The following SERPINB8 variants were observed in gnomAD, a reference collection of about 807,000 sequenced individuals.
SERPINB8 encodes serpin B8.
SERPINB8 carries 25 observed loss-of-function variants against 35.3 expected under a neutral mutation model. That is an observed-to-expected ratio of 0.71 (90% confidence interval 0.52 to 0.99). The LOEUF (loss-of-function observed/expected upper bound fraction) is 0.99, where lower values mean the gene tolerates loss of function less well. Among genes scored for constraint, SERPINB8 ranks in the 50% least tolerant of loss-of-function variants. The pLI, the probability that SERPINB8 is intolerant of heterozygous loss-of-function variation, is 0.00. For synonymous variants in SERPINB8, 186 were observed against 160.8 expected (o/e 1.16, Z -1.19); for missense variants, 484 against 446.5 (o/e 1.08, Z -0.76).
downstream of SERPINB8, among the ~76,000 whole-genome samples, chr18:63,993,551 A>C (rs1272038092): frequency 1.3e-5 from 2 of 152,234 alleles, no homozygotes; most frequent in Non-Finnish European, 2.9e-5. Context: ...GTGCTCTGTA[A>C]ATGTGAATTC....
At chr18:64,003,516 C>A (rs964210048) in intron 1 of SERPINB8, among the ~76,000 whole-genome samples, 4 of 126,534 alleles carry the variant, frequency 3.2e-5, no homozygotes, top group African/African-American at 9.7e-5. Flanking sequence ...TATTGAGGGA[C>A]AAATGTGTGT....
downstream of SERPINB8, among the ~76,000 whole-genome samples, chr18:63,990,133 G>C (rs1367096045): frequency 1.4e-5 from 2 of 147,190 alleles, no homozygotes; most frequent in Non-Finnish European, 3.0e-5. Context: ...TGCAGGGCAG[G>C]GGCACGATCT....
At position 63,987,830 on chromosome 18, in the gene SERPINB8, A is replaced by G. The variant is rs17072360; in HGVS notation, c.*552A>G. 4,319 of 152,852 alleles carry G rather than the reference A, an allele frequency of 0.028. 139 individuals are homozygous for G. The highest frequency in any genetic ancestry group is 0.082 in the African/African-American group (3,411 of 41,544). 9.5% of individuals were successfully genotyped at this position (152,852 alleles called of 1,614,324 possible). A position where few individuals can be genotyped will look rare whatever the true frequency, so the allele number is the denominator to read the frequency against. ...GAAGACAGCTCCTTCTCATCTTTCC[A>G]TAAGCCTGAGATACAAGTTCAGGGA... On this transcript the variant is annotated 3_prime_UTR_variant, in exon 7 of 7. Transcript: ENST00000397985.
downstream of SERPINB8, among the ~76,000 whole-genome samples, chr18:64,009,496 A>G (rs1254994309): frequency 1.3e-5 from 2 of 152,260 alleles, no homozygotes; most frequent in Non-Finnish European, 2.9e-5. Context: ...AGACAAACAG[A>G]TCAATGGCAC....
At chr18:64,013,730 T>C (rs964529562) in intron 7 of SERPINB8, among the ~76,000 whole-genome samples, 7 of 152,180 alleles carry the variant, frequency 4.6e-5, no homozygotes, top group Admixed American at 1.3e-4. Flanking sequence ...GAAAGTACCA[T>C]TTAAGATCTA....
At position 64,011,375 on chromosome 18, in the gene SERPINB8, T is replaced by C. The variant is rs184282982; in HGVS notation, c.*2+6495T>C. On this transcript the variant is annotated intron_variant, in intron 7 of 7. Coordinates refer to the SERPINB8 transcript ENST00000636430. Reference sequence around the variant, plus strand: ...CTGTCATTTGGTATAGAAAAGGGTATGATTCATAGTGAAGATAAAATTCAA... The same window carrying C: ...CTGTCATTTGGTATAGAAAAGGGTACGATTCATAGTGAAGATAAAATTCAA... Among the ~76,000 whole-genome samples the C allele has an allele frequency of 1.7e-4, 26 of 152,244 alleles. No homozygotes were observed. In the East Asian group the frequency reaches 1.9e-3, roughly 11 times the overall value.
chr18:63,982,321 G>T (rs1217542288), intron 4 of SERPINB8, among the ~76,000 whole-genome samples: 1 of 152,056 alleles, frequency 6.6e-6, no homozygotes, highest in African/African-American at 2.4e-5. Context: ...TTCTGAATTT[G>T]TTCCCTATTC....
chr18:64,008,999 G>A (rs191804662), downstream of SERPINB8, among the ~76,000 whole-genome samples: 6 of 152,216 alleles, frequency 3.9e-5, no homozygotes, highest in African/African-American at 9.6e-5. Flanking sequence ...ACAGTAGAAC[G>A]CAGCATACAG....
At chr18:64,018,893 C>G (rs1379568947) in intron 7 of SERPINB8, 1 of 152,066 alleles carries the variant, frequency 6.6e-6, no homozygotes, top group Non-Finnish European at 1.5e-5. Flanking sequence ...AAATGAATGT[C>G]TCTCATTTTT....
intron 4 of SERPINB8, among the ~76,000 whole-genome samples, chr18:63,983,010 G>T (rs1198657521): frequency 6.6e-6 from 1 of 152,040 alleles, no homozygotes; most frequent in Non-Finnish European, 1.5e-5. Flanking sequence ...GTCTGATGAG[G>T]TTTGAATATA....
chr18:64,019,729 C>G (rs376172289), exon 8 of SERPINB8: 6 of 151,416 alleles, frequency 4.0e-5, no homozygotes, highest in African/African-American at 1.5e-4. Flanking sequence ...CCATGAACTC[C>G]CGTATCAACC....
At chr18:63,979,472 G>T (rs867899284) in intron 2 of SERPINB8, among the ~76,000 whole-genome samples, 9 of 152,264 alleles carry the variant, frequency 5.9e-5, no homozygotes, top group Admixed American at 2.6e-4. Context: ...GGAGGTAGGG[G>T]TCGGTGGGTG....
chr18:63,996,995 C>G (rs570352684), intron 1 of SERPINB8, among the ~76,000 whole-genome samples: 9 of 152,174 alleles, frequency 5.9e-5, no homozygotes, highest in Admixed American at 5.2e-4. Context: ...ATCCAAGTAC[C>G]CTCCCTTCCC....
chr18:63,990,511 TG>T (rs1449111629), downstream of SERPINB8, among the ~76,000 whole-genome samples: 1 of 152,206 alleles, frequency 6.6e-6, no homozygotes, highest in East Asian at 1.9e-4. Flanking sequence ...ATCTTTATTT[TG>T]CACACTTTAT....
chr18:64,016,534 A>G (rs1004408079), intron 7 of SERPINB8, among the ~76,000 whole-genome samples: 1 of 152,204 alleles, frequency 6.6e-6, no homozygotes, highest in Non-Finnish European at 1.5e-5. Context: ...AAGGGAAGTC[A>G]GTGATTAAAA....
intron 1 of SERPINB8, among the ~76,000 whole-genome samples, chr18:63,974,456 G>A (rs564111059): frequency 1.4e-4 from 21 of 152,254 alleles, no homozygotes; most frequent in Middle Eastern, 3.4e-3. Flanking sequence ...ACTTGGAAAC[G>A]TAAGGCTTGC....
chr18:63,998,679 C>T (rs1189245341), intron 1 of SERPINB8, among the ~76,000 whole-genome samples: 1 of 152,162 alleles, frequency 6.6e-6, no homozygotes, highest in Non-Finnish European at 1.5e-5. Flanking sequence ...GTGGATCATG[C>T]AAGTTCCCTC....
At chr18:63,981,882 G>A (rs202040836) in intron 4 of SERPINB8, 44 bp downstream of exon 4, 27 of 1,408,750 alleles carry the variant, frequency 1.9e-5, no homozygotes, top group South Asian at 1.2e-4. Context: ...ACTATACAAC[G>A]AGGCTTAGAT....
intron 1 of SERPINB8, among the ~76,000 whole-genome samples, chr18:63,996,290 G>T (rs566213979): frequency 6.6e-6 from 1 of 152,266 alleles, no homozygotes; most frequent in African/African-American, 2.4e-5. Flanking sequence ...TCTGGCCTGC[G>T]CACATGGCCT....
Sources: allele counts gnomAD v4.1 joint callset (sites outside exome capture counted in the v4.1 genomes callset), GRCh38; gene constraint gnomAD v4.1.1; transcripts MANE v1.5; gene names NCBI Gene and HGNC (gene_info 2026-07-23, HGNC 2026-07-21).